Variants in NOTCH3 observed in about 807,000 individuals in gnomAD.
NOTCH3 encodes notch receptor 3, also known as neurogenic locus notch homolog protein 3.
Under a neutral mutation model 213.3 loss-of-function variants are expected in NOTCH3, and 86 were observed. The observed-to-expected ratio is 0.40, with a 90% CI of 0.34 to 0.48. The LOEUF is 0.48. Ranked by LOEUF, NOTCH3 falls within the 20% of genes least tolerant of loss-of-function variation. The pLI, the probability that NOTCH3 is intolerant of heterozygous loss-of-function variation, is 0.57. For synonymous variants in NOTCH3, 1,354 were observed against 1,355.9 expected (o/e 1.00, Z 0.03); for missense variants, 2,783 against 3,272.6 (o/e 0.85, Z 3.65).
intron 8 of NOTCH3, 35 bp downstream of exon 8, chr19:15,188,954 C>T: frequency 6.3e-7 from 1 of 1,593,470 alleles, no homozygotes; most frequent in African/African-American, 1.3e-5. Context: ...CCGCCCCCTG[C>T]CTCAGGACCC....
chr19:15,160,783 G>GCCA lies in NOTCH3; in HGVS notation c.6844_6845insTGG (p.Thr2282delinsMetAla). ...CTGGGCAGGCAGTGCCCCAGTGGTG[G>GCCA]TGGCCATGGCCCCAGTGGCAGTGGC... On this transcript the variant is annotated protein_altering_variant, in exon 33 of 33. Transcript: ENST00000263388. 1 of 1,614,028 alleles carries GCCA rather than the reference G, an allele frequency of 6.2e-7. No individual in the cohort carries two copies. Among genetic ancestry groups the GCCA allele is most frequent in the Non-Finnish European group, 8.5e-7 (1 of 1,179,872 alleles).
In NOTCH3 at chr19:15,159,449, C is replaced by T. The variant is rs1353817421; in HGVS notation, c.*1213G>A. On this transcript the variant is annotated 3_prime_UTR_variant, in exon 33 of 33. Coordinates refer to ENST00000263388, the MANE Select transcript of NOTCH3 (RefSeq NM_000435.3). ...CTCGAGCAAAAGAATCTGATTGGCT[C>T]AGCTTAAGTCAGGTGACAACCACTA... 5.4e-6 allele frequency: 1 copy of T among 186,024 alleles called. No individual in the cohort carries two copies. The highest frequency in any genetic ancestry group is 1.1e-5 in the Non-Finnish European group (1 of 88,062). The allele number at this position is 186,024 out of a possible 1,614,324, so 11.5% of individuals were successfully genotyped here. A position where few individuals can be genotyped will look rare whatever the true frequency, so the allele number is the denominator to read the frequency against.
At position 15,181,779 on chromosome 19, in the gene NOTCH3, C is replaced by A; in HGVS notation, c.2589G>T (p.Ser863=). The A allele has an allele frequency of 6.4e-7, 1 of 1,562,714 alleles. No individual in the cohort carries two copies. The highest frequency in any genetic ancestry group is 8.7e-7 in the Non-Finnish European group (1 of 1,153,298). The part of the protein sequence containing the change: ...CDPNPCLNGG[S]CQDGVGSFSC... The stretch of plus-strand genomic sequence containing the variant: ...AAAAGGAGCCCACGCCGTCTTGGCA[C>A]GAGCCACCGTTCAGGCATGGGTCTG... Residue 863 remains serine (S), a synonymous_variant, in exon 17 of 33, where the codon TCG becomes TCT. Coordinates refer to ENST00000263388, the MANE Select transcript of NOTCH3 (RefSeq NM_000435.3).
intron 2 of NOTCH3, among the ~76,000 whole-genome samples, chr19:15,196,223 C>G (rs1300679306): frequency 1.3e-5 from 2 of 152,134 alleles, no homozygotes; most frequent in African/African-American, 4.8e-5. Flanking sequence ...AAGGGCGGGG[C>G]AGCCGCGGGC....
chr19:15,170,296 CGTAGTCAGGGACA>C (rs1412953025), intron 27 of NOTCH3, 22 bp downstream of exon 27: 6 of 1,580,118 alleles, frequency 3.8e-6, no homozygotes, highest in Non-Finnish European at 4.3e-6. Flanking sequence ...ACAAGGTCCC[CGTAGTCAGGGACA>C]GGGAGCGAGC....
chr19:15,174,652 C>A (rs1232569065), intron 24 of NOTCH3, among the ~76,000 whole-genome samples: 1 of 151,948 alleles, frequency 6.6e-6, no homozygotes, highest in Admixed American at 6.6e-5. Context: ...CAGCTCACTG[C>A]AGCCTCCACC....
At chr19:15,200,664 C>T (rs2047004961) in intron 1 of NOTCH3, 124 bp downstream of exon 1, 3 of 695,498 alleles carry the variant, frequency 4.3e-6, no homozygotes, top group South Asian at 1.4e-4. Context: ...AAGCCCGGGG[C>T]TCCTGCGCCC....
chr19:15,191,656 G>A lies in NOTCH3; in HGVS notation c.804C>T (p.Gly268=), dbSNP rs768592299. The A allele has an allele frequency of 1.9e-6, 3 of 1,613,600 alleles. No homozygotes were observed. In the East Asian group the frequency reaches 6.7e-5, roughly 36 times the overall value. The change falls in exon 6 of 33, where the codon GGC becomes GGT. Residue 268 remains glycine (G), a splice_region_variant and synonymous_variant. Coordinates refer to ENST00000263388, the MANE Select transcript of NOTCH3 (RefSeq NM_000435.3). ...YNCQCPPEWT[G]QFCTEDVDEC... ...CATCCACGTCCTCCGTGCAGAACTG[G>A]CCTGTGGCACACAGATGCAGCAGTC...
Position 15,192,522 on chromosome 19 carries a change from G to A in NOTCH3, c.198-3C>T. ...CACCCACCCAGCCAGGCGGGCACCT[G>A]TGGGCAGAGATGGCTTGGTTGGGCA... On this transcript the variant is annotated splice_polypyrimidine_tract_variant and splice_region_variant and intron_variant, in intron 2 of 32. Transcript: ENST00000263388. 4 of 1,579,560 alleles carry A rather than the reference G, an allele frequency of 2.5e-6. No homozygotes were observed. Among genetic ancestry groups the A allele is most frequent in the Non-Finnish European group, 3.4e-6 (4 of 1,163,204 alleles).
chr19:15,185,719 AG>A lies in NOTCH3; in HGVS notation c.1952-41del. 1.2e-6 allele frequency: 2 copies of A among 1,606,062 alleles called. No individual in the cohort carries two copies. Among genetic ancestry groups the A allele is most frequent in the Non-Finnish European group, 1.7e-6 (2 of 1,176,192 alleles). ...AGCAATCTCATCTCAGAACAAAGTC[AG>A]CAGGGACAACCAGGGAGGGACGACG... is the stretch of plus-strand genomic sequence containing the variant. On this transcript the variant is annotated intron_variant, in intron 12 of 32. Transcript: ENST00000263388. The surrounding 1 kb of genome is among the most constrained non-coding windows in gnomAD (Gnocchi z 4.2).
intron 10 of NOTCH3, among the ~76,000 whole-genome samples, 164 bp from the exon 11 acceptor site, chr19:15,187,502 T>G (rs2046893348): frequency 1.3e-5 from 1 of 76,372 alleles, no homozygotes; most frequent in African/African-American, 5.3e-5. Flanking sequence ...TTACTTCCAC[T>G]CCACCCCACT....
chr19:15,170,405 G>A lies in NOTCH3; in HGVS notation c.5040C>T (p.Phe1680=), dbSNP rs926546517. 4.3e-6 allele frequency: 7 copies of A among 1,613,498 alleles called. No individual in the cohort carries two copies. In the Admixed American group the frequency reaches 6.7e-5, roughly 15 times the overall value. The part of the protein sequence containing the change: ...EHSTLWFPEG[F]SLHKDVASGH... ...CAGAGGCCACGTCCTTGTGCAGTGA[G>A]AAGCCCTCAGGGAACCAGAGGGTGC... Residue 1680 remains phenylalanine (F), a synonymous_variant, in exon 27 of 33, where the codon TTC becomes TTT. Transcript: ENST00000263388.
Position 15,184,037 on chromosome 19 carries a change from C to CAA in NOTCH3, c.2566+256_2566+257dup, listed in dbSNP as rs34518539. Among the ~76,000 whole-genome samples, 148 of 27,612 alleles carry CAA rather than the reference C, an allele frequency of 5.4e-3. 6 individuals carry two copies. The highest frequency in any genetic ancestry group is 0.026 in the Middle Eastern group (1 of 38). The allele number at this position is 27,612 out of a possible 152,430, so 18.1% of individuals were successfully genotyped here. On this transcript the variant is annotated intron_variant, in intron 16 of 32. Transcript: ENST00000263388. ...CAGCGACAGAGCTAAGACTCTGTCT[C>CAA]AAAAAAAAAAAAAAAAAAAAAAAAA... is the stretch of plus-strand genomic sequence containing the variant.
chr19:15,198,214 C>T (rs2046984851), intron 1 of NOTCH3, among the ~76,000 whole-genome samples: 1 of 152,210 alleles, frequency 6.6e-6, no homozygotes, highest in South Asian at 2.1e-4. Context: ...TCCCTAAGGG[C>T]TGTGTCCCTC....
chr19:15,167,888 CTT>C (rs71333354), intron 28 of NOTCH3, among the ~76,000 whole-genome samples: 3,748 of 36,894 alleles, frequency 0.1, 84 homozygotes, highest in Middle Eastern at 0.28. Context: ...CACAAGGTTT[CTT>C]TTTTTTTTTT....
intron 16 of NOTCH3, among the ~76,000 whole-genome samples, chr19:15,184,037 CAAAAAAAAAAAAAAAA>C (rs34518539): frequency 3.6e-5 from 1 of 27,624 alleles, no homozygotes. Context: ...GACTCTGTCT[CAAAAAAAAAAAAAAAA>C]AAAAAAAAAA....
In NOTCH3 at chr19:15,173,784, G is replaced by A. The variant is rs113409991; in HGVS notation, c.4736+284C>T. ...GGAGAAGGAGAAGGAGAAGGAGAAG[G>A]AGAAGAAGAAGAAGAAGAAGAAAAA... On this transcript the variant is annotated intron_variant, in intron 25 of 32. Coordinates refer to ENST00000263388, the MANE Select transcript of NOTCH3 (RefSeq NM_000435.3). Among the ~76,000 whole-genome samples the A allele has an allele frequency of 0.89, 130,413 of 146,590 alleles. 58,138 individuals are homozygous for A. Among genetic ancestry groups the A allele is most frequent in the African/African-American group, 0.94 (35,704 of 38,144 alleles).
chr19:15,197,438 A>G, intron 2 of NOTCH3, 62 bp downstream of exon 2: 1 of 976,624 alleles, frequency 1.0e-6, no homozygotes, highest in South Asian at 1.4e-5. Context: ...GAGAAGACAA[A>G]TCGCCCCTCC....
At chr19:15,170,855 G>T (rs764617650) in intron 25 of NOTCH3, 30 bp from the exon 26 acceptor site, 13 of 1,611,132 alleles carry the variant, frequency 8.1e-6, no homozygotes, top group African/African-American at 1.3e-5. Context: ...GGACCAGAGG[G>T]CTCAAAAATT....
Sources: allele counts gnomAD v4.1 joint callset (sites outside exome capture counted in the v4.1 genomes callset), GRCh38; gene constraint gnomAD v4.1.1; non-coding constraint Gnocchi (gnomAD v3.1); transcripts MANE v1.5; gene names NCBI Gene and HGNC (gene_info 2026-07-23, HGNC 2026-07-21).